Variants in DACT2 observed in about 807,000 individuals in gnomAD.
The protein encoded by DACT2 is dishevelled binding antagonist of beta catenin 2.
DACT2 carries 20 observed loss-of-function variants against 22.2 expected under a neutral mutation model. The observed-to-expected ratio is 0.90, with a 90% CI of 0.63 to 1.31. The LOEUF is 1.31. DACT2 is among the 50% of genes most tolerant of loss of function. The pLI is 0.00. For missense variants in DACT2, 1,048 were observed against 1,061.4 expected (o/e 0.99, Z 0.18); for synonymous variants, 463 against 479.8 (o/e 0.96, Z 0.46).
Position 168,311,165 on chromosome 6 carries a change from G to C in DACT2, c.366C>G (p.Ser122Arg). Residue 122 changes from serine to arginine, a missense_variant, in exon 2 of 4, where the codon AGC becomes AGG. Physicochemically the swap from Ser to Arg is moderately radical, Grantham distance 110 (BLOSUM62 -1). Coordinates refer to ENST00000366795, the MANE Select transcript of DACT2 (RefSeq NM_214462.5). ...TASGEALDSD[S>R]RPSSGFYEMS... is the part of the protein sequence containing the mutation. ...GCGCCCTGGTACCTGAGCTGGGCCTGCTGTCGCTGTCCAGGGCCTCCCCTG... is the reference window on the plus strand; with the variant it reads ...GCGCCCTGGTACCTGAGCTGGGCCTCCTGTCGCTGTCCAGGGCCTCCCCTG... 1 of 1,532,810 alleles carries C rather than the reference G, an allele frequency of 6.5e-7. No individual in the cohort carries two copies. The highest frequency in any genetic ancestry group is 8.8e-7 in the Non-Finnish European group (1 of 1,135,002). 95.0% of individuals were successfully genotyped at this position (1,532,810 alleles called of 1,614,324 possible).
Position 168,308,454 on chromosome 6 carries a change from C to T in DACT2, c.1303G>A (p.Glu435Lys). 1 of 1,551,672 alleles carries T rather than the reference C, an allele frequency of 6.4e-7. No homozygotes were observed. The highest frequency in any genetic ancestry group is 8.7e-7 in the Non-Finnish European group (1 of 1,146,966). The change falls in exon 4 of 4, where the codon GAG (glutamate) becomes AAG (lysine). Residue 435 changes from glutamate (E) to lysine (K), a missense_variant. Transcript: ENST00000366795. ...CTGGGAGAAGCCTGCACCATGGTCT[C>T]CCTGAGGACACAGCTGTTTGAGGGC... Reference protein sequence around the residue: ...SKPSNSCVLRETMVQASPSSK... With the variant: ...SKPSNSCVLRKTMVQASPSSK...
downstream of DACT2, among the ~76,000 whole-genome samples, chr6:168,303,861 T>C (rs1356646657): frequency 6.6e-6 from 1 of 152,244 alleles, no homozygotes. Flanking sequence ...ATTAAATCTT[T>C]CACAAATTCT....
rs1477880039 is a variant in DACT2, at chr6:168,307,846, C to T, written c.1911G>A (p.Arg637=). The T allele has an allele frequency of 1.3e-6, 2 of 1,538,256 alleles. No individual in the cohort carries two copies. Among genetic ancestry groups the T allele is most frequent in the Non-Finnish European group, 1.7e-6 (2 of 1,145,234 alleles). Residue 637 remains arginine, a synonymous_variant, in exon 4 of 4, where the codon AGG becomes AGA. Coordinates refer to ENST00000366795, the MANE Select transcript of DACT2 (RefSeq NM_214462.5). This position sits in a 1 kb window ranked among gnomAD's most constrained non-coding sequence, Gnocchi z 5.3. ...SNLGPPRPVA[R]RAGGPLARGR... The stretch of plus-strand genomic sequence containing the variant: ...CCCGGGCCAGTGGGCCACCTGCTCT[C>T]CTGGCCACGGGCCTGGGGGGCCCCA...
At chr6:168,314,427 C>A (rs1455585861) in intron 1 of DACT2, among the ~76,000 whole-genome samples, 1 of 152,220 alleles carries the variant, frequency 6.6e-6, no homozygotes, top group Admixed American at 6.5e-5. Flanking sequence ...AGGCCCCACT[C>A]GTTTCTTGAG....
chr6:168,301,627 C>G (rs1283124304), intron 3 of DACT2, among the ~76,000 whole-genome samples: 2 of 152,198 alleles, frequency 1.3e-5, no homozygotes, highest in African/African-American at 4.8e-5. Context: ...GCGAGATACG[C>G]CCCCAGGATG....
exon 6 of DACT2, chr6:168,293,845 G>T (rs772151663): frequency 1.4e-6 from 1 of 702,856 alleles, no homozygotes; most frequent in South Asian, 1.5e-5. Context: ...CCGACTTCCA[G>T]CCTGTGACTG....
At position 168,307,106 on chromosome 6, in the gene DACT2, AG is replaced by A; in HGVS notation, c.*325del. The A allele has an allele frequency of 9.0e-7, 1 of 1,113,142 alleles. No homozygotes were observed. The highest frequency in any genetic ancestry group is 1.1e-6 in the Non-Finnish European group (1 of 910,496). 69.0% of individuals were successfully genotyped at this position (1,113,142 alleles called of 1,614,324 possible). A position where few individuals can be genotyped will look rare whatever the true frequency, so the allele number is the denominator to read the frequency against. ...TCCCCAGCCAGAGGGGAGTGAGGGC[AG>A]GGGAAGCCATGGGAGGATGACAACA... is the stretch of plus-strand genomic sequence containing the variant. On this transcript the variant is annotated 3_prime_UTR_variant, in exon 4 of 4. Coordinates refer to ENST00000366795, the MANE Select transcript of DACT2 (RefSeq NM_214462.5). This position sits in a 1 kb window ranked among gnomAD's most constrained non-coding sequence, Gnocchi z 5.3.
chr6:168,294,737 G>T, intron 3 of DACT2: 1 of 1,212,562 alleles, frequency 8.2e-7, no homozygotes, highest in Non-Finnish European at 1.1e-6. Flanking sequence ...GTGCGTGAGA[G>T]CTACAGAACA....
chr6:168,300,393 C>G (rs1243174483), intron 3 of DACT2: 2 of 152,202 alleles, frequency 1.3e-5, no homozygotes, highest in African/African-American at 4.8e-5. Context: ...CGTCATGGAA[C>G]CAGACACTTC....
Position 168,310,228 on chromosome 6 carries a change from C to A in DACT2, c.598G>T (p.Gly200Trp), listed in dbSNP as rs777824812. 4.5e-6 allele frequency: 7 copies of A among 1,551,058 alleles called. No homozygotes were observed. The African/African-American group carries it at 6.8e-5, about 15-fold the overall frequency. The change falls in exon 3 of 4, where the codon GGG (glycine) becomes TGG (tryptophan). Residue 200 changes from glycine to tryptophan, a missense_variant. Coordinates refer to ENST00000366795, the MANE Select transcript of DACT2 (RefSeq NM_214462.5). ...QATEEGARPPGSVEDAGQPWG... is the reference protein window; with the variant it reads ...QATEEGARPPWSVEDAGQPWG... ...GGCTGGCCTGCATCCTCCACGCTCC[C>A]TGGGGGCCTGGCGCCCTCCTCGGTA...
intron 1 of DACT2, among the ~76,000 whole-genome samples, chr6:168,314,332 G>A (rs1373876461): frequency 2.0e-5 from 3 of 152,166 alleles, no homozygotes; most frequent in Non-Finnish European, 4.4e-5. Flanking sequence ...TGGGGAAGGG[G>A]CATGAGGGCC....
chr6:168,299,490 T>A (rs1455680824), intron 3 of DACT2: 1 of 152,254 alleles, frequency 6.6e-6, no homozygotes, highest in African/African-American at 2.4e-5. Context: ...TGACAGTGAA[T>A]AAATGAATAT....
chr6:168,297,084 T>C (rs574642180), intron 3 of DACT2, among the ~76,000 whole-genome samples: 2 of 152,346 alleles, frequency 1.3e-5, no homozygotes, highest in East Asian at 1.9e-4. Flanking sequence ...TGAACCCTAA[T>C]TAAACACCAT....
rs758046804 is a variant in DACT2 at position 168,308,221 on chromosome 6, C to T, written c.1536G>A (p.Arg512=). ...GCCTGTCCAGTAGAAGCAGCGGCTG[C>T]CTTGCAAACCTCAGCACCTTGTCCA... is the stretch of plus-strand genomic sequence containing the variant. The part of the protein sequence containing the change: ...SPMDKVLRFA[R]QPLLLLDRPE... The change falls in exon 4 of 4, where the codon AGG becomes AGA. Residue 512 remains arginine (R), a synonymous_variant. Transcript: ENST00000366795. 2.8e-5 allele frequency: 43 copies of T among 1,551,666 alleles called. 1 individual carries two copies. In the Middle Eastern group the frequency reaches 5.0e-4, roughly 18 times the overall value.
intron 3 of DACT2, among the ~76,000 whole-genome samples, chr6:168,301,702 C>T (rs139105004): frequency 6.6e-6 from 1 of 152,240 alleles, no homozygotes; most frequent in South Asian, 2.1e-4. Flanking sequence ...AGCTGGGGCT[C>T]TGTGTGTTCA....
downstream of DACT2, among the ~76,000 whole-genome samples, chr6:168,303,584 C>T (rs1779148442): frequency 6.6e-6 from 1 of 152,346 alleles, no homozygotes; most frequent in Non-Finnish European, 1.5e-5. Flanking sequence ...TCAGATGCCA[C>T]TGCCTGTCTA....
Position 168,307,648 on chromosome 6 carries a change from G to T in DACT2, c.2109C>A (p.Asp703Glu). ...CCCTGCTCTGGGCGCCGCCCTCCTC[G>T]TCGCTGCTGCTGGACTCACGGTCTC... ...RFGDRESSSS[D>E]EEGGAQSRDC... The change falls in exon 4 of 4, where the codon GAC (aspartate) becomes GAA (glutamate). Residue 703 changes from aspartate (D) to glutamate (E), a missense_variant. Asp to Glu is a conservative substitution (Grantham distance 45). Transcript: ENST00000366795. This position sits in a 1 kb window ranked among gnomAD's most constrained non-coding sequence, Gnocchi z 5.3. The T allele has an allele frequency of 6.5e-7, 1 of 1,547,544 alleles. No homozygotes were observed. Among genetic ancestry groups the T allele is most frequent in the South Asian group, 1.2e-5 (1 of 83,722 alleles).
Position 168,319,545 on chromosome 6 carries a change from T to C in DACT2, c.89A>G (p.Gln30Arg), listed in dbSNP as rs1779596687. 2 of 1,376,442 alleles carry C rather than the reference T, an allele frequency of 1.5e-6. No individual in the cohort carries two copies. The highest frequency in any genetic ancestry group is 9.5e-7 in the Non-Finnish European group (1 of 1,056,728). The allele number at this position is 1,376,442 out of a possible 1,614,324, so 85.3% of individuals were successfully genotyped here. A position where few individuals can be genotyped will look rare whatever the true frequency, so the allele number is the denominator to read the frequency against. Residue 30 changes from glutamine to arginine, a missense_variant, in exon 1 of 4, where the codon CAG (glutamine) becomes CGG (arginine). By Grantham distance (43) the Gln-to-Arg change is conservative. Transcript: ENST00000366795. ...ARLRAAFAGL[Q>R]ELQGLRATQQ... is the part of the protein sequence containing the mutation. Reference sequence around the variant, plus strand: ...CGTGGCTCGCAGCCCCTGCAGCTCCTGCAGCCCCGCGAACGCCGCGCGCAA... The same window carrying C: ...CGTGGCTCGCAGCCCCTGCAGCTCCCGCAGCCCCGCGAACGCCGCGCGCAA...
chr6:168,311,608 TCACA>T (rs1388323300), intron 1 of DACT2, among the ~76,000 whole-genome samples: 8 of 38,032 alleles, frequency 2.1e-4, no homozygotes, highest in Non-Finnish European at 4.2e-4. Flanking sequence ...ACACACACAC[TCACA>T]CAAACACACA....
Sources: gnomAD v4.1 joint callset for allele counts (sites outside exome capture counted in the v4.1 genomes callset) on GRCh38, gnomAD v4.1.1 for gene constraint, Gnocchi (gnomAD v3.1) non-coding constraint, MANE v1.5 for transcripts, NCBI Gene and HGNC (gene_info 2026-07-23, HGNC 2026-07-21) for gene names.